SLC9A9: variants seen among roughly 807,000 people sequenced by gnomAD.
SLC9A9 encodes the protein solute carrier family 9 member A9, also known as sodium/hydrogen exchanger 9.
A neutral mutation model predicts 77.8 loss-of-function variants in SLC9A9; 62 were observed. The observed-to-expected ratio is 0.80, with a 90% CI of 0.65 to 0.98. The LOEUF is 0.98. Ranked by LOEUF, SLC9A9 falls within the 50% of genes least tolerant of loss-of-function variation. SLC9A9 has a pLI of 0.00. For missense variants in SLC9A9, 775 were observed against 774.9 expected (o/e 1.00, Z 0.00); for synonymous variants, 320 against 283.5 (o/e 1.13, Z -1.29).
chr3:143,638,551 C>T (rs1429692461), intron 6 of SLC9A9, among the ~76,000 whole-genome samples: 1 of 152,228 alleles, frequency 6.6e-6, no homozygotes, highest in African/African-American at 2.4e-5. Context: ...TCAATACTGC[C>T]TGCCATTCTG....
chr3:143,624,339 C>T (rs60999631), intron 6 of SLC9A9, among the ~76,000 whole-genome samples: 16,536 of 152,038 alleles, frequency 0.11, 1,059 homozygotes, highest in Non-Finnish European at 0.14. Flanking sequence ...CCAATATCCC[C>T]GATGAATATC....
chr3:143,435,136 A>C (rs754247650), intron 12 of SLC9A9, among the ~76,000 whole-genome samples: 9 of 151,984 alleles, frequency 5.9e-5, no homozygotes, highest in Non-Finnish European at 1.3e-4. Flanking sequence ...ATTTTGTCTT[A>C]TATTTTATAA....
At chr3:143,661,966 C>G (rs1160584708) in intron 5 of SLC9A9, among the ~76,000 whole-genome samples, 1 of 152,160 alleles carries the variant, frequency 6.6e-6, no homozygotes, top group East Asian at 1.9e-4. Context: ...GCCTCAGCAA[C>G]TCTGCTGCTC....
chr3:143,708,652 C>T (rs552460493), intron 4 of SLC9A9, among the ~76,000 whole-genome samples: 2 of 152,318 alleles, frequency 1.3e-5, no homozygotes, highest in African/African-American at 2.4e-5. Context: ...ATTCCACGTA[C>T]ACATCATTAA....
At chr3:143,757,186 G>A (rs1333181309) in intron 4 of SLC9A9, among the ~76,000 whole-genome samples, 1 of 152,038 alleles carries the variant, frequency 6.6e-6, no homozygotes, top group African/African-American at 2.4e-5. Context: ...GGGGAATTCA[G>A]GGTTTGCTTT....
intron 14 of SLC9A9, among the ~76,000 whole-genome samples, chr3:143,312,892 C>A (rs2031070696): frequency 6.6e-6 from 1 of 152,230 alleles, no homozygotes; most frequent in South Asian, 2.1e-4. Flanking sequence ...CCCAATCTTC[C>A]ATCCCCAAGA....
chr3:143,337,317 T>C (rs1290571182), intron 14 of SLC9A9, among the ~76,000 whole-genome samples: 1 of 152,160 alleles, frequency 6.6e-6, no homozygotes, highest in African/African-American at 2.4e-5. Context: ...GAGGCATTTA[T>C]AGCCTTCTCT....
intron 14 of SLC9A9, among the ~76,000 whole-genome samples, chr3:143,343,811 A>G (rs1397491104): frequency 6.6e-6 from 1 of 152,174 alleles, no homozygotes; most frequent in African/African-American, 2.4e-5. Context: ...TGTGCTCTTG[A>G]GACCTCAACA....
chr3:143,709,912 T>C (rs570843149), intron 4 of SLC9A9, among the ~76,000 whole-genome samples: 14 of 152,312 alleles, frequency 9.2e-5, no homozygotes, highest in Middle Eastern at 3.4e-3. Flanking sequence ...AGATCCAACC[T>C]TCCCCGACAG....
At chr3:143,838,728 A>G (rs140039108) in intron 1 of SLC9A9, among the ~76,000 whole-genome samples, 156 of 152,308 alleles carry the variant, frequency 1.0e-3, no homozygotes, top group African/African-American at 3.7e-3. Context: ...AAGGCAGGGA[A>G]TCTGTGACAT....
chr3:143,745,917 T>C (rs530538285), intron 4 of SLC9A9, among the ~76,000 whole-genome samples: 14 of 152,314 alleles, frequency 9.2e-5, no homozygotes, highest in Admixed American at 7.2e-4. Flanking sequence ...AGGGGGATAC[T>C]GGAGCAGCAA....
At chr3:143,638,900 T>C (rs965746414) in intron 6 of SLC9A9, among the ~76,000 whole-genome samples, 1 of 152,214 alleles carries the variant, frequency 6.6e-6, no homozygotes. Context: ...TCAAGTAATA[T>C]GAGCAGATTA....
chr3:143,693,034 C>T (rs77461384), intron 5 of SLC9A9, among the ~76,000 whole-genome samples, 158 bp downstream of exon 5: 3,880 of 152,182 alleles, frequency 0.025, 93 homozygotes, highest in Non-Finnish European at 0.04. Context: ...AAATATTCCC[C>T]TTTTCTTTTC....
intron 14 of SLC9A9, among the ~76,000 whole-genome samples, chr3:143,336,356 A>G (rs1179411556): frequency 2.0e-5 from 3 of 152,170 alleles, no homozygotes; most frequent in Non-Finnish European, 4.4e-5. Context: ...TAAAAATAGA[A>G]CTACCATATG....
intron 6 of SLC9A9, among the ~76,000 whole-genome samples, chr3:143,608,083 T>C (rs909898222): frequency 6.6e-6 from 1 of 152,336 alleles, no homozygotes; most frequent in African/African-American, 2.4e-5. Context: ...GAATGAATTG[T>C]GTCTAGAATT....
At chr3:143,677,052 C>A (rs1223733262) in intron 5 of SLC9A9, among the ~76,000 whole-genome samples, 4 of 152,326 alleles carry the variant, frequency 2.6e-5, no homozygotes, top group African/African-American at 9.6e-5. Context: ...GCCATTATTA[C>A]ATGGGACTGC....
rs1480854763 is a variant in SLC9A9, at chr3:143,266,284, A to AT, written c.*417dup. ...GCATTCCCTTCAGCTTAGGAGCAAAATGTTTACTCTCAGAAGCTTTCTTTT... is the reference window on the plus strand; with the variant it reads ...GCATTCCCTTCAGCTTAGGAGCAAAATTGTTTACTCTCAGAAGCTTTCTTTT... On this transcript the variant is annotated 3_prime_UTR_variant, in exon 16 of 16. Transcript: ENST00000316549. 11 of 590,626 alleles carry AT rather than the reference A, an allele frequency of 1.9e-5. No individual in the cohort carries two copies. Among genetic ancestry groups the AT allele is most frequent in the Non-Finnish European group, 3.0e-5 (10 of 333,200 alleles). 36.6% of individuals were successfully genotyped at this position (590,626 alleles called of 1,614,324 possible).
intron 4 of SLC9A9, among the ~76,000 whole-genome samples, chr3:143,739,876 A>G (rs1935035686): frequency 6.6e-6 from 1 of 152,214 alleles, no homozygotes; most frequent in African/African-American, 2.4e-5. Flanking sequence ...ACTTACTGGA[A>G]GTAAGCCTCA....
intron 4 of SLC9A9, among the ~76,000 whole-genome samples, chr3:143,727,941 C>T (rs1398225617): frequency 6.6e-6 from 1 of 152,198 alleles, no homozygotes; most frequent in African/African-American, 2.4e-5. Flanking sequence ...GCTACCATGG[C>T]CCCATGCCTA....
Sources: gnomAD v4.1 joint callset for allele counts (sites outside exome capture counted in the v4.1 genomes callset) on GRCh38, gnomAD v4.1.1 for gene constraint, MANE v1.5 for transcripts, NCBI Gene and HGNC (gene_info 2026-07-23, HGNC 2026-07-21) for gene names.